ATP8A2: variants seen among roughly 807,000 people sequenced by gnomAD.
ATP8A2 encodes ATPase phospholipid transporting 8A2, also known as phospholipid-transporting ATPase IB.
Under a neutral mutation model 165.6 loss-of-function variants are expected in ATP8A2, and 100 were observed. The ratio of observed to expected loss-of-function variants is 0.60; its 90% CI spans 0.51 to 0.71. The LOEUF is 0.71. Ranked by LOEUF, ATP8A2 falls within the 30% of genes least tolerant of loss-of-function variation. The pLI, the probability that ATP8A2 is intolerant of heterozygous loss-of-function variation, is 0.00. For missense variants in ATP8A2, 1,227 were observed against 1,479.5 expected (o/e 0.83, Z 2.80); for synonymous variants, 543 against 548.8 (o/e 0.99, Z 0.15).
At chr13:25,531,254 A>ATATATATGT (rs1491214115) in intron 4 of ATP8A2, among the ~76,000 whole-genome samples, 280 of 18,750 alleles carry the variant, frequency 0.015, 5 homozygotes, top group East Asian at 0.066. Flanking sequence ...GTTATATATG[A>ATATATATGT]TATATATGAT....
rs116333300 is a variant in ATP8A2, at chr13:25,672,591, G to T, written c.2212-26582G>T. Among the ~76,000 whole-genome samples, 771 of 152,198 alleles carry T rather than the reference G, an allele frequency of 5.1e-3. 4 individuals are homozygous for T. Among genetic ancestry groups the T allele is most frequent in the African/African-American group, 0.017 (708 of 41,516 alleles). ...AAAGGACATTTAATATTTCTCAAGT[G>T]CAATCTTCTCATTCTGGCTGCTATT... On this transcript the variant is annotated intron_variant, in intron 24 of 36. Transcript: ENST00000381655.
intron 33 of ATP8A2, among the ~76,000 whole-genome samples, chr13:25,930,684 T>C (rs1954748201): frequency 6.6e-6 from 1 of 152,218 alleles, no homozygotes; most frequent in African/African-American, 2.4e-5. Flanking sequence ...TTTTCGTCAT[T>C]GTGTGCCCAG....
chr13:25,806,174 G>A (rs1950734993), intron 27 of ATP8A2, among the ~76,000 whole-genome samples: 1 of 152,232 alleles, frequency 6.6e-6, no homozygotes, highest in Non-Finnish European at 1.5e-5. Flanking sequence ...TTGAGGAGGC[G>A]GGAGAACAGC....
chr13:25,423,496 G>A (rs570814993), intron 1 of ATP8A2, among the ~76,000 whole-genome samples: 21 of 152,168 alleles, frequency 1.4e-4, no homozygotes, highest in Admixed American at 8.5e-4. Flanking sequence ...GGGTGGAATC[G>A]GGTTTTGAAT....
At chr13:25,651,088 GAACT>G (rs2041800721) in intron 24 of ATP8A2, among the ~76,000 whole-genome samples, 1 of 152,072 alleles carries the variant, frequency 6.6e-6, no homozygotes, top group South Asian at 2.1e-4. Context: ...ATGCTTGATA[GAACT>G]CACTTGAAAT....
intron 33 of ATP8A2, among the ~76,000 whole-genome samples, chr13:25,893,097 C>T (rs569194406): frequency 5.9e-5 from 9 of 151,442 alleles, no homozygotes; most frequent in South Asian, 2.1e-4. Context: ...ATGTGCACAA[C>T]GTGCAGGTTT....
At chr13:25,458,953 G>A (rs1260148084) in intron 1 of ATP8A2, among the ~76,000 whole-genome samples, 3 of 152,168 alleles carry the variant, frequency 2.0e-5, no homozygotes, top group Non-Finnish European at 2.9e-5. Flanking sequence ...GCCCAGGTGA[G>A]GCAGAGCCAT....
chr13:25,986,737 C>G (rs187164688), intron 35 of ATP8A2, among the ~76,000 whole-genome samples: 1 of 152,294 alleles, frequency 6.6e-6, no homozygotes, highest in Admixed American at 6.5e-5. Flanking sequence ...ACTAGGATTG[C>G]TGAGTCATAT....
chr13:25,693,190 A>G (rs1208701956), intron 24 of ATP8A2, among the ~76,000 whole-genome samples: 1 of 152,220 alleles, frequency 6.6e-6, no homozygotes, highest in Non-Finnish European at 1.5e-5. Context: ...CCTCTGGGAA[A>G]ATGGATTCTA....
intron 33 of ATP8A2, among the ~76,000 whole-genome samples, chr13:25,937,362 C>CTTT (rs1555293658): frequency 2.6e-5 from 1 of 38,798 alleles, no homozygotes; most frequent in African/African-American, 6.8e-5. Flanking sequence ...TTCTTTCTTT[C>CTTT]TTTTTTTTTT....
intron 28 of ATP8A2, among the ~76,000 whole-genome samples, chr13:25,829,498 A>G (rs183241627): frequency 6.6e-6 from 1 of 151,608 alleles, no homozygotes; most frequent in African/African-American, 2.4e-5. Flanking sequence ...GGTTAAAGCT[A>G]TGCAACCATT....
intron 2 of ATP8A2, among the ~76,000 whole-genome samples, chr13:25,512,919 C>A (rs1483764802): frequency 6.9e-6 from 1 of 145,302 alleles, no homozygotes; most frequent in African/African-American, 2.5e-5. Context: ...GGCTGACCCC[C>A]CCACCTCCCT....
intron 1 of ATP8A2, among the ~76,000 whole-genome samples, chr13:25,424,637 G>A (rs957936292): frequency 1.3e-5 from 2 of 152,114 alleles, no homozygotes; most frequent in Admixed American, 1.3e-4. Flanking sequence ...ACTTCTTTTT[G>A]GAAACAAGTT....
intron 29 of ATP8A2, 81 bp from the exon 30 acceptor site, chr13:25,839,465 A>T: frequency 1.0e-6 from 1 of 959,824 alleles, no homozygotes. Context: ...AGGATCCTTC[A>T]CAATGTGGCG....
chr13:25,930,223 G>A (rs1455934418), intron 33 of ATP8A2, among the ~76,000 whole-genome samples: 1 of 152,146 alleles, frequency 6.6e-6, no homozygotes, highest in Non-Finnish European at 1.5e-5. Flanking sequence ...TTTTAACAAT[G>A]TGAATCAAAC....
intron 33 of ATP8A2, among the ~76,000 whole-genome samples, chr13:25,960,682 GC>G (rs749473133): frequency 2.0e-5 from 3 of 152,004 alleles, no homozygotes; most frequent in Non-Finnish European, 4.4e-5. Context: ...CCCTGCTCAG[GC>G]CCCCATCTCT....
At chr13:25,867,741 G>A (rs957396263) in intron 33 of ATP8A2, among the ~76,000 whole-genome samples, 2 of 152,094 alleles carry the variant, frequency 1.3e-5, no homozygotes, top group African/African-American at 2.4e-5. Context: ...GGATAGCAGC[G>A]AGTTTGCTCC....
At chr13:25,952,559 A>G (rs1218787235) in intron 33 of ATP8A2, among the ~76,000 whole-genome samples, 2 of 152,012 alleles carry the variant, frequency 1.3e-5, no homozygotes, top group South Asian at 2.1e-4. Flanking sequence ...TATTTTTTGT[A>G]GAAACAGGGT....
At chr13:25,832,155 CT>C (rs1951495003) in intron 28 of ATP8A2, among the ~76,000 whole-genome samples, 1 of 152,002 alleles carries the variant, frequency 6.6e-6, no homozygotes, top group Non-Finnish European at 1.5e-5. Flanking sequence ...CCAGGCTGGT[CT>C]TGAACTCCTG....
Sources: allele counts gnomAD v4.1 joint callset (sites outside exome capture counted in the v4.1 genomes callset), GRCh38; gene constraint gnomAD v4.1.1; transcripts MANE v1.5; gene names NCBI Gene and HGNC (gene_info 2026-07-23, HGNC 2026-07-21).